The following CTNNA3 variants were observed in gnomAD, a reference collection of about 807,000 sequenced individuals.
The protein encoded by CTNNA3 is catenin alpha-3.
Under a neutral mutation model 95.7 loss-of-function variants are expected in CTNNA3, and 76 were observed. The observed-to-expected ratio is 0.79, with a 90% CI of 0.66 to 0.96. CTNNA3 has a LOEUF of 0.96. Among genes scored for constraint, CTNNA3 ranks in the 40% least tolerant of loss-of-function variants. CTNNA3 has a pLI of 0.00. For synonymous variants in CTNNA3, 431 were observed against 374.4 expected (o/e 1.15, Z -1.74); for missense variants, 1,191 against 1,089.8 (o/e 1.09, Z -1.31).
chr10:67,350,495 A>G (rs1842589034), intron 5 of CTNNA3, among the ~76,000 whole-genome samples: 1 of 151,884 alleles, frequency 6.6e-6, no homozygotes, highest in Non-Finnish European at 1.5e-5. Context: ...AGCTTGGAAT[A>G]CCAGCACTAA....
At chr10:67,495,424 C>T (rs1838992321) in intron 5 of CTNNA3, among the ~76,000 whole-genome samples, 1 of 152,150 alleles carries the variant, frequency 6.6e-6, no homozygotes, top group South Asian at 2.1e-4. Context: ...TTTTTAGAGT[C>T]ATAGGTCCAT....
At chr10:66,607,388 C>G (rs527620772) in intron 10 of CTNNA3, among the ~76,000 whole-genome samples, 57 of 141,632 alleles carry the variant, frequency 4.0e-4, no homozygotes, top group African/African-American at 1.5e-3. Context: ...TGAAACTATT[C>G]CAAAATATTG....
At chr10:66,079,269 A>G (rs137911553) in intron 14 of CTNNA3, 56 of 152,064 alleles carry the variant, frequency 3.7e-4, no homozygotes, top group African/African-American at 1.3e-3. Flanking sequence ...AGTTTAAAAG[A>G]TCCCTGTGCA....
chr10:66,779,697 T>A (rs137969429), intron 7 of CTNNA3, among the ~76,000 whole-genome samples: 10 of 152,360 alleles, frequency 6.6e-5, no homozygotes, highest in African/African-American at 2.4e-4. Flanking sequence ...ACTCAGTTAC[T>A]AAATTTTACA....
chr10:66,921,581 C>T (rs1445100450), intron 7 of CTNNA3, among the ~76,000 whole-genome samples: 1 of 152,158 alleles, frequency 6.6e-6, no homozygotes, highest in African/African-American at 2.4e-5. Context: ...TCTGCTTCCA[C>T]ATTAGGCCTT....
chr10:66,680,942 A>C (rs1298698784), intron 9 of CTNNA3, among the ~76,000 whole-genome samples: 1 of 152,160 alleles, frequency 6.6e-6, no homozygotes, highest in Non-Finnish European at 1.5e-5. Flanking sequence ...ATTTTTTCTT[A>C]TCTCTACTCT....
At chr10:66,585,467 C>T (rs1564549773) in intron 10 of CTNNA3, among the ~76,000 whole-genome samples, 1 of 151,456 alleles carries the variant, frequency 6.6e-6, no homozygotes, top group Non-Finnish European at 1.5e-5. Flanking sequence ...CTTTCTTCTG[C>T]TTGGTCTAAT....
At chr10:66,896,741 T>A (rs1194406479) in intron 7 of CTNNA3, among the ~76,000 whole-genome samples, 3 of 152,170 alleles carry the variant, frequency 2.0e-5, no homozygotes, top group African/African-American at 7.2e-5. Context: ...GCGTCCATGC[T>A]CTCATTTCAT....
At chr10:65,932,102 A>T (rs1391775015) in intron 17 of CTNNA3, among the ~76,000 whole-genome samples, 1 of 152,162 alleles carries the variant, frequency 6.6e-6, no homozygotes, top group African/African-American at 2.4e-5. Flanking sequence ...TGAGGGGTTA[A>T]GAATAGGGAC....
intron 5 of CTNNA3, among the ~76,000 whole-genome samples, chr10:67,230,635 T>C (rs568404209): frequency 6.4e-4 from 97 of 152,066 alleles, no homozygotes; most frequent in African/African-American, 2.2e-3. Context: ...GCTAAGGACA[T>C]GAATAGACAA....
chr10:66,242,470 C>T (rs10997002), intron 13 of CTNNA3, among the ~76,000 whole-genome samples: 52,032 of 151,758 alleles, frequency 0.34, 9,823 homozygotes, highest in East Asian at 0.43. Context: ...CAAGAACATA[C>T]GAAGAACTGC....
intron 7 of CTNNA3, among the ~76,000 whole-genome samples, chr10:67,038,862 T>C (rs975770061): frequency 1.4e-5 from 2 of 147,644 alleles, no homozygotes; most frequent in African/African-American, 2.7e-5. Flanking sequence ...TTATATATTA[T>C]GTTATAATAA....
chr10:66,958,976 G>A (rs1848979757), intron 7 of CTNNA3, among the ~76,000 whole-genome samples: 1 of 152,108 alleles, frequency 6.6e-6, no homozygotes, highest in African/African-American at 2.4e-5. Context: ...GAGAGAGAGT[G>A]TAAATGAATT....
intron 5 of CTNNA3, among the ~76,000 whole-genome samples, chr10:67,246,033 A>G (rs1865890653): frequency 6.6e-6 from 1 of 152,146 alleles, no homozygotes. Context: ...GTCATCTTTC[A>G]TGTTTGCGAG....
At chr10:65,971,863 A>T (rs2133273375) in intron 16 of CTNNA3, among the ~76,000 whole-genome samples, 1 of 152,176 alleles carries the variant, frequency 6.6e-6, no homozygotes, top group East Asian at 1.9e-4. Flanking sequence ...AATGAAAAAA[A>T]TCTCTGATAC....
chr10:66,353,219 A>G (rs1201187451), intron 12 of CTNNA3, among the ~76,000 whole-genome samples: 1 of 152,118 alleles, frequency 6.6e-6, no homozygotes, highest in South Asian at 2.1e-4. Flanking sequence ...AAAATCTATT[A>G]AAATAGAATA....
chr10:66,529,462 T>TTA (rs1841390323), intron 10 of CTNNA3, among the ~76,000 whole-genome samples: 3 of 150,836 alleles, frequency 2.0e-5, no homozygotes, highest in Non-Finnish European at 2.9e-5. Flanking sequence ...TTTTTTTTTT[T>TTA]AATAAAAAAA....
chr10:66,768,652 C>T (rs1400694249), intron 8 of CTNNA3, among the ~76,000 whole-genome samples: 1 of 151,968 alleles, frequency 6.6e-6, no homozygotes, highest in Non-Finnish European at 1.5e-5. Context: ...ATTTCCTCAC[C>T]TTTCTACCAA....
chr10:67,704,832 G>A (rs1447908958), intron 1 of CTNNA3, among the ~76,000 whole-genome samples: 1 of 152,124 alleles, frequency 6.6e-6, no homozygotes, highest in African/African-American at 2.4e-5. Flanking sequence ...CCATCAGAGT[G>A]AACAGGCAAC....
Sources: allele counts gnomAD v4.1 joint callset (sites outside exome capture counted in the v4.1 genomes callset), GRCh38; gene constraint gnomAD v4.1.1; transcripts MANE v1.5; gene names NCBI Gene and HGNC (gene_info 2026-07-23, HGNC 2026-07-21).